The following CNTNAP5 variants were observed in gnomAD, a reference collection of about 807,000 sequenced individuals.
CNTNAP5 encodes the protein contactin associated protein family member 5.
In CNTNAP5, 72 loss-of-function variants were observed where a neutral mutation model predicts 150.2. The ratio of observed to expected loss-of-function variants is 0.48; its 90% confidence interval spans 0.40 to 0.58. The LOEUF (loss-of-function observed/expected upper bound fraction) is 0.58. Ranked by LOEUF, CNTNAP5 falls within the 20% of genes least tolerant of loss-of-function variation. The pLI is 0.00. For synonymous variants in CNTNAP5, 672 were observed against 619.8 expected (o/e 1.08, Z -1.25); for missense variants, 1,636 against 1,626.2 (o/e 1.01, Z -0.10).
chr2:124,578,428 A>T (rs1573471623), intron 11 of CNTNAP5, among the ~76,000 whole-genome samples: 1 of 152,086 alleles, frequency 6.6e-6, no homozygotes, highest in Admixed American at 6.6e-5. Context: ...TTACAGCTCA[A>T]AAGGGTCTCC....
chr2:124,738,996 T>C (rs547345929), intron 13 of CNTNAP5, among the ~76,000 whole-genome samples: 2 of 152,334 alleles, frequency 1.3e-5, no homozygotes, highest in Non-Finnish European at 2.9e-5. Context: ...TCATTTAAGT[T>C]AATCACGTTG....
intron 1 of CNTNAP5, among the ~76,000 whole-genome samples, chr2:124,148,187 C>T (rs759774890): frequency 2.6e-5 from 4 of 151,526 alleles, no homozygotes; most frequent in Non-Finnish European, 5.9e-5. Context: ...TACAGGACAT[C>T]TCATGATTGA....
chr2:124,809,156 C>T (rs969241632), intron 19 of CNTNAP5, among the ~76,000 whole-genome samples: 1 of 152,126 alleles, frequency 6.6e-6, no homozygotes, highest in African/African-American at 2.4e-5. Flanking sequence ...AGCTCCTTCA[C>T]TTGGGAACTT....
chr2:124,854,900 G>A (rs1677319839), intron 19 of CNTNAP5, among the ~76,000 whole-genome samples: 1 of 152,140 alleles, frequency 6.6e-6, no homozygotes, highest in South Asian at 2.1e-4. Flanking sequence ...CATGGACTGG[G>A]TCTTAAATAA....
At chr2:124,520,222 T>C (rs1305051563) in intron 8 of CNTNAP5, among the ~76,000 whole-genome samples, 2 of 152,198 alleles carry the variant, frequency 1.3e-5, no homozygotes, top group African/African-American at 4.8e-5. Flanking sequence ...TTATATACCA[T>C]ATTAGGAATA....
chr2:124,341,204 C>A (rs1689606268), intron 3 of CNTNAP5, among the ~76,000 whole-genome samples: 1 of 152,114 alleles, frequency 6.6e-6, no homozygotes, highest in Non-Finnish European at 1.5e-5. Flanking sequence ...AAGACACTTG[C>A]ATTTCTTCCA....
At chr2:124,547,965 G>C (rs10175329) in intron 10 of CNTNAP5, among the ~76,000 whole-genome samples, 17,055 of 152,084 alleles carry the variant, frequency 0.11, 983 homozygotes, top group South Asian at 0.16. Flanking sequence ...TTGCATCTTC[G>C]AGCCCATGTC....
At chr2:124,415,788 A>G (rs1691903426) in intron 3 of CNTNAP5, among the ~76,000 whole-genome samples, 3 of 152,198 alleles carry the variant, frequency 2.0e-5, no homozygotes, top group Non-Finnish European at 4.4e-5. Flanking sequence ...CAACGTGAAT[A>G]TGCTTAATGC....
At chr2:124,390,380 C>T (rs551373132) in intron 3 of CNTNAP5, among the ~76,000 whole-genome samples, 1 of 152,324 alleles carries the variant, frequency 6.6e-6, no homozygotes, top group South Asian at 2.1e-4. Flanking sequence ...GAAAGGGTTA[C>T]CTTCCAGCAC....
At chr2:124,622,627 C>A (rs574051513) in intron 12 of CNTNAP5, among the ~76,000 whole-genome samples, 2 of 151,930 alleles carry the variant, frequency 1.3e-5, no homozygotes, top group Admixed American at 1.3e-4. Flanking sequence ...GTGTCATCAG[C>A]GTCTGTTGTT....
At chr2:124,082,844 C>T (rs892115674) in intron 1 of CNTNAP5, among the ~76,000 whole-genome samples, 1 of 152,042 alleles carries the variant, frequency 6.6e-6, no homozygotes, top group Non-Finnish European at 1.5e-5. Flanking sequence ...TCTGATAGCT[C>T]TATAGTTACA....
At chr2:124,615,230 A>G (rs1677470700) in intron 12 of CNTNAP5, among the ~76,000 whole-genome samples, 1 of 152,206 alleles carries the variant, frequency 6.6e-6, no homozygotes, top group Admixed American at 6.5e-5. Context: ...TCTTTTATGA[A>G]GGATTTCTGT....
chr2:124,526,864 A>C (rs1694979750), intron 9 of CNTNAP5, among the ~76,000 whole-genome samples: 1 of 152,152 alleles, frequency 6.6e-6, no homozygotes. Context: ...CCAGAGCGTA[A>C]TTTTCTTTGA....
intron 3 of CNTNAP5, among the ~76,000 whole-genome samples, chr2:124,320,746 T>G (rs531807148): frequency 5.9e-5 from 9 of 152,348 alleles, no homozygotes; most frequent in African/African-American, 1.9e-4. Flanking sequence ...TCACATTTTA[T>G]GTGAAGTATT....
chr2:124,650,713 TCA>T (rs1678303226), intron 13 of CNTNAP5, among the ~76,000 whole-genome samples: 1 of 152,200 alleles, frequency 6.6e-6, no homozygotes, highest in South Asian at 2.1e-4. Context: ...CCTGTATTTG[TCA>T]CACACAGGAA....
At chr2:124,592,086 A>G (rs1176404852) in intron 11 of CNTNAP5, among the ~76,000 whole-genome samples, 3 of 152,122 alleles carry the variant, frequency 2.0e-5, no homozygotes, top group Admixed American at 6.6e-5. Flanking sequence ...ACTATATTCC[A>G]TGAGTGCAAC....
chr2:124,614,254 G>T (rs748597055), intron 12 of CNTNAP5, among the ~76,000 whole-genome samples: 2 of 152,070 alleles, frequency 1.3e-5, no homozygotes, highest in East Asian at 3.9e-4. Context: ...TCACAATAAA[G>T]CAAGTCACAT....
intron 3 of CNTNAP5, among the ~76,000 whole-genome samples, chr2:124,262,954 C>A (rs1344276086): frequency 6.6e-6 from 1 of 151,988 alleles, no homozygotes; most frequent in African/African-American, 2.4e-5. Context: ...CCAGCTTCAT[C>A]CATGTCCCTA....
At chr2:124,553,426 C>A (rs2104919701) in intron 10 of CNTNAP5, among the ~76,000 whole-genome samples, 1 of 151,072 alleles carries the variant, frequency 6.6e-6, no homozygotes, top group Non-Finnish European at 1.5e-5. Context: ...ATCGCTTGAA[C>A]CTAAGAGGTG....
Sources: allele counts gnomAD v4.1 joint callset (sites outside exome capture counted in the v4.1 genomes callset), GRCh38; gene constraint gnomAD v4.1.1; transcripts MANE v1.5; gene names NCBI Gene and HGNC (gene_info 2026-07-23, HGNC 2026-07-21).